The following SOX6 variants were observed in gnomAD, a reference collection of about 807,000 sequenced individuals.
The protein encoded by SOX6 is SRY-box transcription factor 6.
In SOX6, 11 loss-of-function variants were observed where a neutral mutation model predicts 97.8. That is an observed-to-expected ratio of 0.11 (90% CI 0.07 to 0.19). SOX6 has a LOEUF of 0.19. Among genes scored for constraint, SOX6 ranks in the 10% least tolerant of loss-of-function variants. The pLI, the probability that SOX6 is intolerant of heterozygous loss-of-function variation, is 1.00. For missense variants in SOX6, 810 were observed against 1,039.5 expected (o/e 0.78, Z 3.04); for synonymous variants, 360 against 371.4 (o/e 0.97, Z 0.35).
intron 1 of SOX6, among the ~76,000 whole-genome samples, chr11:16,349,715 A>AGGAG (rs369882029): frequency 2.4e-5 from 1 of 41,728 alleles, no homozygotes; most frequent in East Asian, 9.7e-4. Context: ...GAAGGAAGGA[A>AGGAG]GAAGGAAGGA....
chr11:16,253,206 G>A (rs1219568157), intron 3 of SOX6, among the ~76,000 whole-genome samples: 4 of 151,896 alleles, frequency 2.6e-5, no homozygotes, highest in South Asian at 2.1e-4. Context: ...AAAATTAGCC[G>A]GGCATGGTGG....
chr11:16,640,231 G>C (rs539033800), intron 3 of SOX6, among the ~76,000 whole-genome samples: 3 of 152,184 alleles, frequency 2.0e-5, no homozygotes, highest in African/African-American at 2.4e-5. Context: ...TGCGTATTTT[G>C]AACCAGCCTT....
intron 6 of SOX6, among the ~76,000 whole-genome samples, chr11:16,119,310 T>G (rs1456442860): frequency 2.0e-5 from 3 of 152,182 alleles, no homozygotes; most frequent in Middle Eastern, 3.2e-3. Context: ...CTTGACAGGA[T>G]AAATTCATGC....
intron 7 of SOX6, among the ~76,000 whole-genome samples, chr11:16,104,796 G>C (rs1328078280): frequency 6.6e-6 from 1 of 151,944 alleles, no homozygotes; most frequent in Admixed American, 6.6e-5. Context: ...CAACACCTAG[G>C]AGAAATGGAC....
At chr11:16,250,371 C>T (rs181423202) in intron 3 of SOX6, among the ~76,000 whole-genome samples, 4 of 152,096 alleles carry the variant, frequency 2.6e-5, no homozygotes, top group Admixed American at 2.0e-4. Flanking sequence ...AAGCTTAAAA[C>T]CTAGCATTAG....
intron 3 of SOX6, among the ~76,000 whole-genome samples, chr11:16,650,163 C>G (rs966859269): frequency 4.6e-5 from 7 of 152,050 alleles, no homozygotes; most frequent in African/African-American, 1.7e-4. Context: ...AGAAATGAGA[C>G]AGACAGCAAC....
At chr11:15,980,496 A>G (rs750482129) in intron 15 of SOX6, among the ~76,000 whole-genome samples, 33 of 152,070 alleles carry the variant, frequency 2.2e-4, no homozygotes, top group Non-Finnish European at 4.0e-4. Flanking sequence ...AAGAGACTAA[A>G]AAAACCACAC....
chr11:16,072,922 GC>G (rs1848259474), intron 9 of SOX6, among the ~76,000 whole-genome samples: 1 of 152,124 alleles, frequency 6.6e-6, no homozygotes, highest in African/African-American at 2.4e-5. Flanking sequence ...CAGCAGACCT[GC>G]CTTACAAGAG....
At chr11:16,135,185 T>A (rs1378817870) in intron 6 of SOX6, among the ~76,000 whole-genome samples, 3 of 152,166 alleles carry the variant, frequency 2.0e-5, no homozygotes, top group Non-Finnish European at 4.4e-5. Context: ...TTTCAAAATA[T>A]TACTGCTCAT....
intron 3 of SOX6, among the ~76,000 whole-genome samples, chr11:16,632,948 T>C (rs1848732552): frequency 6.6e-6 from 1 of 152,162 alleles, no homozygotes; most frequent in Non-Finnish European, 1.5e-5. Context: ...CCAGGATCTC[T>C]GCACAGGAAG....
chr11:16,141,655 C>A lies in SOX6; in HGVS notation c.778-29732G>T, dbSNP rs557969219. On this transcript the variant is annotated intron_variant, in intron 6 of 15. Transcript: ENST00000683767. ...ACAGACAGCACCTGGAAAATCGGGT[C>A]ACTCCCACCATTTTCCAATGGTCTT... Among the ~76,000 whole-genome samples the A allele has an allele frequency of 2.0e-5, 3 of 152,250 alleles. No individual in the cohort carries two copies. In the East Asian group the frequency reaches 5.8e-4, roughly 29 times the overall value.
Position 16,111,796 on chromosome 11 carries a change from T to C in SOX6, c.898+7A>G, listed in dbSNP as rs948944875. 2.5e-6 allele frequency: 4 copies of C among 1,613,060 alleles called. No individual in the cohort carries two copies. The highest frequency in any genetic ancestry group is 3.4e-6 in the Non-Finnish European group (4 of 1,179,870). ...TGGAAAAGAATGTTAAATCCCTCTC[T>C]ACTTACCTGGTTTGTATGTTATTCC... On this transcript the variant is annotated splice_region_variant and intron_variant, in intron 7 of 15. Transcript: ENST00000683767.
chr11:16,373,003 T>C (rs1857532134), intron 1 of SOX6, among the ~76,000 whole-genome samples: 1 of 152,108 alleles, frequency 6.6e-6, no homozygotes, highest in African/African-American at 2.4e-5. Context: ...ACCATTTTTT[T>C]CGCAAAGGTA....
chr11:16,163,142 A>G (rs1850796959), intron 6 of SOX6, among the ~76,000 whole-genome samples: 1 of 152,172 alleles, frequency 6.6e-6, no homozygotes, highest in South Asian at 2.1e-4. Context: ...AGGAAGATAA[A>G]AAGAAAATAT....
intron 13 of SOX6, among the ~76,000 whole-genome samples, chr11:16,001,032 T>TA (rs896028066): frequency 1.1e-4 from 16 of 151,690 alleles, no homozygotes; most frequent in African/African-American, 3.6e-4. Context: ...AATTTTTTTT[T>TA]ATTTTTATTT....
At position 16,046,631 on chromosome 11, in the gene SOX6, C is replaced by T; in HGVS notation, c.1506G>A (p.Glu502=). ...GGATCTGCTCTCGCATCTTCCGCGC[C>T]TCCTGAATGGCTTTCATCACTGTAT... ...DQDTVMKAIQ[E]ARKMREQIQR... is the part of the protein sequence containing the mutation. Residue 502 remains glutamate, a synonymous_variant, in exon 12 of 16, where the codon GAG becomes GAA. Coordinates refer to ENST00000683767, the MANE Select transcript of SOX6 (RefSeq NM_001367873.1). 1.2e-6 allele frequency: 2 copies of T among 1,613,818 alleles called. No homozygotes were observed. The highest frequency in any genetic ancestry group is 2.2e-5 in the East Asian group (1 of 44,872).
At position 16,631,634 on chromosome 11, in the gene SOX6, G is replaced by A. The variant is rs543872532; in HGVS notation, n.430-19374C>T. On this transcript the variant is annotated intron_variant and non_coding_transcript_variant, in intron 3 of 5. Transcript: ENST00000524520. ...ATCTGGATGTCTACCTCTCTAGCAA[G>A]ATTAGGGAAATTTTCTTAAATAATT... 3.3e-5 allele frequency among the ~76,000 whole-genome samples: 5 copies of A among 152,278 alleles called. No individual in the cohort carries two copies. The East Asian group carries it at 9.7e-4, about 29-fold the overall frequency.
chr11:16,687,798 C>A (rs1468994771), intron 3 of SOX6, among the ~76,000 whole-genome samples: 1 of 152,142 alleles, frequency 6.6e-6, no homozygotes, highest in East Asian at 1.9e-4. Flanking sequence ...TCCTAAAGTG[C>A]TAGTGTAACA....
chr11:16,729,515 A>T (rs1848333038), intron 2 of SOX6, among the ~76,000 whole-genome samples: 2 of 152,236 alleles, frequency 1.3e-5, no homozygotes, highest in Non-Finnish European at 1.5e-5. Flanking sequence ...AATCCTTTAC[A>T]GAGAAGCAAA....
Sources: allele counts gnomAD v4.1 joint callset (sites outside exome capture counted in the v4.1 genomes callset), GRCh38; gene constraint gnomAD v4.1.1; transcripts MANE v1.5; gene names NCBI Gene and HGNC (gene_info 2026-07-23, HGNC 2026-07-21).